Variants in RAB21 observed in about 807,000 individuals in gnomAD.
RAB21 encodes RAB21, member RAS oncogene family.
RAB21 carries 13 observed loss-of-function variants against 33.1 expected under a neutral mutation model. The observed-to-expected ratio is 0.39, with a 90% CI of 0.26 to 0.62. The LOEUF is 0.62. Ranked by LOEUF, RAB21 falls within the 20% of genes least tolerant of loss-of-function variation. The pLI is 0.48. For synonymous variants in RAB21, 91 were observed against 103.7 expected, an observed-to-expected ratio of 0.88 and a Z score of 0.74; for missense variants, 234 against 279.1, an observed-to-expected ratio of 0.84 and a Z score of 1.15.
In RAB21 at chr12:71,793,376, G is replaced by A. The variant is rs534278363; in HGVS notation, c.*7703G>A. 1 of 152,162 alleles carries A rather than the reference G, an allele frequency of 6.6e-6. No individual in the cohort carries two copies. Among genetic ancestry groups the A allele is most frequent in the South Asian group, 2.1e-4 (1 of 4,818 alleles). 9.4% of individuals were successfully genotyped at this position (152,162 alleles called of 1,614,324 possible). Reference sequence around the variant, plus strand: ...TTTTCTATCTGAAATTGAAGATACAGGTCAGAAAGATGGTTTAATGAATAT... The same window carrying A: ...TTTTCTATCTGAAATTGAAGATACAAGTCAGAAAGATGGTTTAATGAATAT... On this transcript the variant is annotated 3_prime_UTR_variant, in exon 7 of 7. Coordinates refer to ENST00000261263, the MANE Select transcript of RAB21 (RefSeq NM_014999.4).
chr12:71,793,907 C>G lies in RAB21; in HGVS notation c.*8234C>G, dbSNP rs1883423024. The G allele has an allele frequency of 6.6e-6, 1 of 152,148 alleles. No homozygotes were observed. The highest frequency in any genetic ancestry group is 1.5e-5 in the Non-Finnish European group (1 of 68,080). The allele number at this position is 152,148 out of a possible 1,614,324, so 9.4% of individuals were successfully genotyped here. ...CTGCTCTGCTAAGACTAAAGCTGGC[C>G]CTTTCCAATCAAAAGTGTTAAAAGC... On this transcript the variant is annotated 3_prime_UTR_variant, in exon 7 of 7. Transcript: ENST00000261263.
chr12:71,755,560 G>A (rs1303760926), intron 1 of RAB21, among the ~76,000 whole-genome samples: 1 of 152,228 alleles, frequency 6.6e-6, no homozygotes, highest in African/African-American at 2.4e-5. Flanking sequence ...GTCTCCGTCC[G>A]TGGGCTGTTT....
rs1002902735 is a variant in RAB21, at chr12:71,793,814, G to C, written c.*8141G>C. The C allele has an allele frequency of 1.3e-5, 2 of 152,178 alleles. No individual in the cohort carries two copies. Among genetic ancestry groups the C allele is most frequent in the African/African-American group, 4.8e-5 (2 of 41,448 alleles). 9.4% of individuals were successfully genotyped at this position (152,178 alleles called of 1,614,324 possible). ...TAAAGGAAGGAGATGGTAGATTTTGGGTTCTGGGTTCTAGGTTCTAGGCTA... is the reference window on the plus strand; with the variant it reads ...TAAAGGAAGGAGATGGTAGATTTTGCGTTCTGGGTTCTAGGTTCTAGGCTA... On this transcript the variant is annotated 3_prime_UTR_variant, in exon 7 of 7. Coordinates refer to ENST00000261263, the MANE Select transcript of RAB21 (RefSeq NM_014999.4).
At position 71,754,913 on chromosome 12, in the gene RAB21, G is replaced by A; in HGVS notation, c.-217G>A. 1 of 227,706 alleles carries A rather than the reference G, an allele frequency of 4.4e-6. No individual in the cohort carries two copies. Among genetic ancestry groups the A allele is most frequent in the Non-Finnish European group, 7.4e-6 (1 of 135,048 alleles). 14.1% of individuals were successfully genotyped at this position (227,706 alleles called of 1,614,324 possible). On this transcript the variant is annotated 5_prime_UTR_variant, in exon 1 of 7. Coordinates refer to ENST00000261263, the MANE Select transcript of RAB21 (RefSeq NM_014999.4). ...GGGAGGCAGAGAGGGATCGTTCTTCGCTTTTCCTCCGGTGCCTGACGTGGT... is the reference window on the plus strand; with the variant it reads ...GGGAGGCAGAGAGGGATCGTTCTTCACTTTTCCTCCGGTGCCTGACGTGGT...
Position 71,785,637 on chromosome 12 carries a change from C to T in RAB21, c.642C>T (p.Ala214=). ...AGATTATTGATGATGAACCTCAAGCCCAGACCAGTGGTGGAGGGTGCTGTT... is the reference window on the plus strand; with the variant it reads ...AGATTATTGATGATGAACCTCAAGCTCAGACCAGTGGTGGAGGGTGCTGTT... ...GVQIIDDEPQ[A]QTSGGGCCSS... The change falls in exon 7 of 7, where the codon GCC becomes GCT. Residue 214 remains alanine, a synonymous_variant. Coordinates refer to ENST00000261263, the MANE Select transcript of RAB21 (RefSeq NM_014999.4). 1 of 1,614,076 alleles carries T rather than the reference C, an allele frequency of 6.2e-7. No homozygotes were observed. Among genetic ancestry groups the T allele is most frequent in the African/African-American group, 1.3e-5 (1 of 74,992 alleles).
In RAB21 at chr12:71,799,323, A is replaced by T. The variant is rs1454726230; in HGVS notation, c.*13650A>T. The T allele has an allele frequency of 1.3e-5, 2 of 152,238 alleles. No homozygotes were observed. Among genetic ancestry groups the T allele is most frequent in the Non-Finnish European group, 2.9e-5 (2 of 68,056 alleles). 9.4% of individuals were successfully genotyped at this position (152,238 alleles called of 1,614,324 possible). ...ACCCTGCTCCTTCAACCCTTCCAGT[A>T]ACTTTATAAGCACCAAATTCCATTT... is the stretch of plus-strand genomic sequence containing the variant. On this transcript the variant is annotated 3_prime_UTR_variant, in exon 7 of 7. Transcript: ENST00000261263.
chr12:71,784,062 G>A (rs1883243839), intron 6 of RAB21, among the ~76,000 whole-genome samples: 1 of 152,162 alleles, frequency 6.6e-6, no homozygotes, highest in Admixed American at 6.5e-5. Context: ...TTAAAAATAA[G>A]TAGATATAGA....
chr12:71,755,173 G>T lies in RAB21; in HGVS notation c.44G>T (p.Gly15Val). ...GGGGGGAAAA[G>V]RAYSFKVVLL... is the part of the protein sequence containing the mutation. ...GGCGGCGGCGGGGCGGCGGCGGCGG[G>T]CCGAGCCTACTCGTTCAAGGTGGTG... Residue 15 changes from glycine to valine, a missense_variant, in exon 1 of 7, where the codon GGC becomes GTC. Gly to Val is a moderately radical substitution (Grantham distance 109). Coordinates refer to ENST00000261263, the MANE Select transcript of RAB21 (RefSeq NM_014999.4). The T allele has an allele frequency of 1.5e-6, 2 of 1,379,310 alleles. No homozygotes were observed. Among genetic ancestry groups the T allele is most frequent in the Non-Finnish European group, 1.9e-6 (2 of 1,064,854 alleles). 85.4% of individuals were successfully genotyped at this position (1,379,310 alleles called of 1,614,324 possible).
intron 3 of RAB21, among the ~76,000 whole-genome samples, chr12:71,773,302 T>A (rs1206218941): frequency 6.6e-6 from 1 of 152,232 alleles, no homozygotes; most frequent in Non-Finnish European, 1.5e-5. Context: ...CCTGGAGACA[T>A]CTTTGGTTGT....
In RAB21 at chr12:71,755,000, C is replaced by T. The variant is rs1882758553; in HGVS notation, c.-130C>T. On this transcript the variant is annotated 5_prime_UTR_variant, in exon 1 of 7. Coordinates refer to ENST00000261263, the MANE Select transcript of RAB21 (RefSeq NM_014999.4). ...CCTTCCAGGCCTCGCCCGAGGAGGG[C>T]GTGGGGACAGCGCCCGGGTCGGCGG... The T allele has an allele frequency of 1.1e-6, 1 of 870,980 alleles. No homozygotes were observed. The highest frequency in any genetic ancestry group is 1.4e-6 in the Non-Finnish European group (1 of 721,472). 54.0% of individuals were successfully genotyped at this position (870,980 alleles called of 1,614,324 possible). A position where few individuals can be genotyped will look rare whatever the true frequency, so the allele number is the denominator to read the frequency against.
chr12:71,761,188 A>G (rs936754208), intron 1 of RAB21, among the ~76,000 whole-genome samples: 8 of 152,110 alleles, frequency 5.3e-5, no homozygotes, highest in African/African-American at 1.7e-4. Flanking sequence ...GCTGGGTGAC[A>G]GAGTGAGACC....
At position 71,754,971 on chromosome 12, in the gene RAB21, C is replaced by A. The variant is rs1882757805; in HGVS notation, c.-159C>A. 1.6e-6 allele frequency: 1 copy of A among 641,662 alleles called. No homozygotes were observed. The highest frequency in any genetic ancestry group is 2.0e-6 in the Non-Finnish European group (1 of 512,662). 39.7% of individuals were successfully genotyped at this position (641,662 alleles called of 1,614,324 possible). Reference sequence around the variant, plus strand: ...GGCCCTTCATTCTCGGACTTTCCCTCAGCCCTTCCAGGCCTCGCCCGAGGA... The same window carrying A: ...GGCCCTTCATTCTCGGACTTTCCCTAAGCCCTTCCAGGCCTCGCCCGAGGA... On this transcript the variant is annotated 5_prime_UTR_variant, in exon 1 of 7. Coordinates refer to ENST00000261263, the MANE Select transcript of RAB21 (RefSeq NM_014999.4).
chr12:71,769,477 T>C (rs569354820), intron 1 of RAB21, among the ~76,000 whole-genome samples: 1 of 152,204 alleles, frequency 6.6e-6, no homozygotes, highest in South Asian at 2.1e-4. Flanking sequence ...TTAGACTCTT[T>C]CTTTCTGTGA....
chr12:71,798,036 G>A lies in RAB21; in HGVS notation c.*12363G>A, dbSNP rs328719. The A allele has an allele frequency of 6.6e-6, 1 of 152,086 alleles. No homozygotes were observed. The highest frequency in any genetic ancestry group is 2.4e-5 in the African/African-American group (1 of 41,384). 9.4% of individuals were successfully genotyped at this position (152,086 alleles called of 1,614,324 possible). On this transcript the variant is annotated 3_prime_UTR_variant, in exon 7 of 7. Coordinates refer to ENST00000261263, the MANE Select transcript of RAB21 (RefSeq NM_014999.4). The stretch of plus-strand genomic sequence containing the variant: ...TGAATTTGATATAAAATTTGGAATA[G>A]AATTTACAATAAGAAATGATAATGT...
rs1371179763 is a variant in RAB21, at chr12:71,799,653, A to G, written c.*13980A>G. ...AAAAAAGAGAATGAGAAAGCTTTGC[A>G]TATTTAAAAGAAACCATCAACAGGA... On this transcript the variant is annotated 3_prime_UTR_variant, in exon 7 of 7. Coordinates refer to ENST00000261263, the MANE Select transcript of RAB21 (RefSeq NM_014999.4). 1 of 152,246 alleles carries G rather than the reference A, an allele frequency of 6.6e-6. No individual in the cohort carries two copies. The highest frequency in any genetic ancestry group is 1.9e-4 in the East Asian group (1 of 5,204). 9.4% of individuals were successfully genotyped at this position (152,246 alleles called of 1,614,324 possible).
intron 4 of RAB21, among the ~76,000 whole-genome samples, chr12:71,776,672 G>C (rs1210820727): frequency 6.6e-6 from 1 of 150,520 alleles, no homozygotes; most frequent in East Asian, 1.9e-4. Flanking sequence ...TGAGAACTTA[G>C]GGACTGATTT....
intron 1 of RAB21, among the ~76,000 whole-genome samples, chr12:71,763,883 G>A (rs112316202): frequency 6.6e-6 from 1 of 152,136 alleles, no homozygotes; most frequent in Non-Finnish European, 1.5e-5. Flanking sequence ...CCATTGTGGA[G>A]TCAGACAGGC....
intron 4 of RAB21, among the ~76,000 whole-genome samples, chr12:71,774,551 G>C (rs1424494482): frequency 1.3e-5 from 2 of 151,942 alleles, no homozygotes; most frequent in Non-Finnish European, 2.9e-5. Flanking sequence ...CTGAGGTCAG[G>C]AGTTCAAAAC....
chr12:71,764,032 C>G lies in RAB21; in HGVS notation c.160-5768C>G, dbSNP rs141130625. 1.6e-4 allele frequency among the ~76,000 whole-genome samples: 25 copies of G among 152,028 alleles called. No homozygotes were observed. In the East Asian group the frequency reaches 4.5e-3, roughly 27 times the overall value. Reference sequence around the variant, plus strand: ...GTTGTTGAAAATTAAATGAAAAAGCCCAAGCACAGTGCTTGGCACATAGTA... The same window carrying G: ...GTTGTTGAAAATTAAATGAAAAAGCGCAAGCACAGTGCTTGGCACATAGTA... On this transcript the variant is annotated intron_variant, in intron 1 of 6. Transcript: ENST00000261263.
Sources: gnomAD v4.1 joint callset for allele counts (sites outside exome capture counted in the v4.1 genomes callset) on GRCh38, gnomAD v4.1.1 for gene constraint, MANE v1.5 for transcripts, NCBI Gene and HGNC (gene_info 2026-07-23, HGNC 2026-07-21) for gene names.